Variants in CACNA2D3 observed in about 807,000 individuals in gnomAD.
CACNA2D3 encodes calcium voltage-gated channel auxiliary subunit alpha2delta 3.
Under a neutral mutation model 160.6 loss-of-function variants are expected in CACNA2D3, and 60 were observed. The observed-to-expected ratio is 0.37, with a 90% CI of 0.30 to 0.46. The LOEUF (loss-of-function observed/expected upper bound fraction) is 0.46. CACNA2D3 is among the 20% of genes least tolerant of loss of function. CACNA2D3 has a pLI of 1.00. For missense variants in CACNA2D3, 1,205 were observed against 1,365.0 expected (o/e 0.88, Z 1.85); for synonymous variants, 558 against 492.9 (o/e 1.13, Z -1.75).
chr3:54,422,071 G>A lies in CACNA2D3; in HGVS notation c.381+35297G>A, dbSNP rs114711266. ...GAGGACGTGTTTTAATATATCCTTC[G>A]CTTCTAATTGTAGTGTCTGCATGTC... On this transcript the variant is annotated intron_variant, in intron 4 of 37. Coordinates refer to ENST00000474759, the MANE Select transcript of CACNA2D3 (RefSeq NM_018398.3). 2.4e-3 allele frequency among the ~76,000 whole-genome samples: 369 copies of A among 152,256 alleles called. 3 individuals are homozygous for A. Among genetic ancestry groups the A allele is most frequent in the African/African-American group, 8.6e-3 (358 of 41,538 alleles).
intron 2 of CACNA2D3, among the ~76,000 whole-genome samples, chr3:54,260,193 C>CT (rs141557817): frequency 1.2e-4 from 18 of 151,978 alleles, no homozygotes; most frequent in Non-Finnish European, 4.4e-5. Context: ...CTACTGATCT[C>CT]TTTTTTCTCT....
chr3:54,431,724 T>C (rs1200350235), intron 4 of CACNA2D3, among the ~76,000 whole-genome samples: 1 of 152,154 alleles, frequency 6.6e-6, no homozygotes, highest in Non-Finnish European at 1.5e-5. Context: ...TCTTGTGCCT[T>C]AGCCTCCAGA....
chr3:54,426,688 A>G (rs1699916646), intron 4 of CACNA2D3, among the ~76,000 whole-genome samples: 1 of 152,206 alleles, frequency 6.6e-6, no homozygotes, highest in Admixed American at 6.5e-5. Flanking sequence ...CAAATAGAGG[A>G]TAGATGCTGT....
chr3:54,324,921 C>CTCA (rs10699277), intron 3 of CACNA2D3, among the ~76,000 whole-genome samples: 104,581 of 151,564 alleles, frequency 0.69, 36,246 homozygotes, highest in Non-Finnish European at 0.74. Context: ...CAAGTCAGAG[C>CTCA]TCTTTGATAT....
chr3:54,219,227 A>T (rs1363946115), intron 2 of CACNA2D3, among the ~76,000 whole-genome samples: 1 of 152,174 alleles, frequency 6.6e-6, no homozygotes, highest in African/African-American at 2.4e-5. Context: ...GTGTTCAGTG[A>T]AGTGACTTCA....
At chr3:54,866,581 ACACAATATTTGTTC>A (rs1422523539) in intron 17 of CACNA2D3, among the ~76,000 whole-genome samples, 1 of 152,148 alleles carries the variant, frequency 6.6e-6, no homozygotes, top group Non-Finnish European at 1.5e-5. Flanking sequence ...TTATTAGCAC[ACACAATATTTGTTC>A]CACAGAGGCT....
intron 34 of CACNA2D3, among the ~76,000 whole-genome samples, chr3:55,016,447 A>G (rs1265439995): frequency 6.6e-6 from 1 of 152,210 alleles, no homozygotes; most frequent in African/African-American, 2.4e-5. Flanking sequence ...ACCTGCTGTC[A>G]CACAGCAGTG....
chr3:54,378,529 G>A (rs1296114749), intron 3 of CACNA2D3, among the ~76,000 whole-genome samples: 1 of 152,142 alleles, frequency 6.6e-6, no homozygotes, highest in Non-Finnish European at 1.5e-5. Flanking sequence ...ATTCATTGTG[G>A]ACTATCCCCT....
Position 54,349,503 on chromosome 3 carries a change from A to G in CACNA2D3, c.321+28945A>G, listed in dbSNP as rs555427384. 9.2e-5 allele frequency among the ~76,000 whole-genome samples: 14 copies of G among 152,302 alleles called. No homozygotes were observed. The East Asian group carries it at 2.5e-3, about 27-fold the overall frequency. On this transcript the variant is annotated intron_variant, in intron 3 of 37. Coordinates refer to ENST00000474759, the MANE Select transcript of CACNA2D3 (RefSeq NM_018398.3). ...TTAATGGCTCCCCTGACTCTGAGCC[A>G]AGCTGTTTGCTTCTTATCTTTTCGG... is the stretch of plus-strand genomic sequence containing the variant.
chr3:54,343,280 T>G (rs1698395287), intron 3 of CACNA2D3, among the ~76,000 whole-genome samples: 2 of 150,956 alleles, frequency 1.3e-5, no homozygotes, highest in Admixed American at 6.6e-5. Context: ...GGCTGGAGAG[T>G]TGGAATTTTC....
intron 35 of CACNA2D3, among the ~76,000 whole-genome samples, chr3:55,020,760 A>G (rs1008583713): frequency 2.0e-5 from 3 of 152,000 alleles, no homozygotes; most frequent in Admixed American, 2.0e-4. Flanking sequence ...TTGAGACAAG[A>G]GAATTGCTTG....
intron 27 of CACNA2D3, among the ~76,000 whole-genome samples, chr3:54,946,220 C>T (rs532593650): frequency 5.3e-5 from 8 of 152,196 alleles, no homozygotes; most frequent in Non-Finnish European, 1.2e-4. Context: ...TACCTCCACC[C>T]CTAGCTTCAG....
intron 11 of CACNA2D3, among the ~76,000 whole-genome samples, chr3:54,681,008 A>AAG (rs1345888677): frequency 6.6e-6 from 1 of 152,086 alleles, no homozygotes; most frequent in Non-Finnish European, 1.5e-5. Flanking sequence ...CTCTGTTGTT[A>AAG]AGAGAGAGAA....
chr3:54,882,809 A>G (rs1040373197), intron 21 of CACNA2D3, among the ~76,000 whole-genome samples: 3 of 152,160 alleles, frequency 2.0e-5, no homozygotes, highest in Admixed American at 1.3e-4. Flanking sequence ...TGGCAACCAT[A>G]CTTCTATAGG....
chr3:54,944,817 GT>G (rs1262783720), intron 27 of CACNA2D3, among the ~76,000 whole-genome samples: 2,056 of 98,900 alleles, frequency 0.021, 42 homozygotes, highest in African/African-American at 0.11. Flanking sequence ...AGCTGGGGGT[GT>G]GTGTGTGTGT....
intron 5 of CACNA2D3, among the ~76,000 whole-genome samples, chr3:54,503,926 G>C (rs896471521): frequency 2.6e-5 from 4 of 152,152 alleles, no homozygotes; most frequent in Non-Finnish European, 5.9e-5. Context: ...GGACCAGATA[G>C]TAAATATCTT....
intron 2 of CACNA2D3, among the ~76,000 whole-genome samples, chr3:54,281,163 G>A (rs1383875466): frequency 6.6e-6 from 1 of 152,172 alleles, no homozygotes; most frequent in East Asian, 1.9e-4. Context: ...GTGGGAAGCC[G>A]ACAGTGTCCA....
chr3:54,973,119 T>A (rs1276207740), intron 29 of CACNA2D3, among the ~76,000 whole-genome samples: 1 of 152,062 alleles, frequency 6.6e-6, no homozygotes, highest in Non-Finnish European at 1.5e-5. Context: ...GGAGATGATA[T>A]TGAAGACAAT....
chr3:54,597,694 T>C (rs1333000915), intron 9 of CACNA2D3, among the ~76,000 whole-genome samples: 1 of 152,068 alleles, frequency 6.6e-6, no homozygotes, highest in Admixed American at 6.5e-5. Flanking sequence ...AATAAAACCA[T>C]GGATAAAACA....
Sources: allele counts gnomAD v4.1 joint callset (sites outside exome capture counted in the v4.1 genomes callset), GRCh38; gene constraint gnomAD v4.1.1; transcripts MANE v1.5; gene names NCBI Gene and HGNC (gene_info 2026-07-23, HGNC 2026-07-21).